Variants in NTRK3 observed in about 807,000 individuals in gnomAD.
The protein encoded by NTRK3 is neurotrophic receptor tyrosine kinase 3, also known as NT-3 growth factor receptor.
In NTRK3, 24 loss-of-function variants were observed where a neutral mutation model predicts 91.7. The ratio of observed to expected loss-of-function variants is 0.26; its 90% confidence interval spans 0.19 to 0.37. The LOEUF is 0.37. Among genes scored for constraint, NTRK3 ranks in the 10% least tolerant of loss-of-function variants. The pLI is 1.00. For missense variants in NTRK3, 880 were observed against 1,068.9 expected, an observed-to-expected ratio of 0.82 and a Z score of 2.46; for synonymous variants, 483 against 404.0, an observed-to-expected ratio of 1.20 and a Z score of -2.34.
intron 17 of NTRK3, among the ~76,000 whole-genome samples, chr15:87,918,838 T>C (rs939241036): frequency 6.6e-6 from 1 of 152,196 alleles, no homozygotes; most frequent in African/African-American, 2.4e-5. Context: ...CAAATGTGTT[T>C]GGAAACTAAG....
chr15:87,982,687 C>T (rs11854785), intron 14 of NTRK3, among the ~76,000 whole-genome samples: 147,681 of 152,350 alleles, frequency 0.97, 71,594 homozygotes, highest in East Asian at 1. Context: ...ATGAGAGGTT[C>T]TGGAGCCAAT....
intron 13 of NTRK3, among the ~76,000 whole-genome samples, chr15:88,079,160 G>A (rs566433307): frequency 6.6e-6 from 1 of 152,310 alleles, no homozygotes; most frequent in East Asian, 1.9e-4. Context: ...GAACTAGGTG[G>A]TACTTGTGGA....
rs978784123 is a variant in NTRK3 at position 88,235,983 on chromosome 15, C to CA, written c.248+19922dup. Among the ~76,000 whole-genome samples the CA allele has an allele frequency of 8.5e-5, 13 of 152,212 alleles. No homozygotes were observed. The highest frequency in any genetic ancestry group is 2.9e-4 in the African/African-American group (12 of 41,456). ...TGTGTCTCTCCTAACCCAGATTAAT[C>CA]AAAAACAGTCCTAGAGTGTAAACTG... On this transcript the variant is annotated intron_variant, in intron 3 of 18. Transcript: ENST00000394480. The surrounding 1 kb of genome is among the most constrained non-coding windows in gnomAD (Gnocchi z 5.2).
chr15:87,980,893 A>G (rs2074200528), intron 14 of NTRK3, among the ~76,000 whole-genome samples: 1 of 152,092 alleles, frequency 6.6e-6, no homozygotes, highest in Admixed American at 6.5e-5. Context: ...GACCCCAGAT[A>G]AAGGTTATCT....
chr15:87,925,468 C>CACACACACACACAG (rs1164318504), intron 17 of NTRK3: 21 of 201,886 alleles, frequency 1.0e-4, no homozygotes, highest in African/African-American at 4.8e-4. Context: ...CACACACACA[C>CACACACACACACAG]AGGCCTGGAT....
At chr15:88,159,363 C>A (rs2044220316) in intron 5 of NTRK3, among the ~76,000 whole-genome samples, 1 of 152,184 alleles carries the variant, frequency 6.6e-6, no homozygotes, top group African/African-American at 2.4e-5. Flanking sequence ...TTTGAGAAAG[C>A]ATTGAGGGGA....
At chr15:87,995,889 T>G (rs2075656571) in intron 14 of NTRK3, among the ~76,000 whole-genome samples, 1 of 152,230 alleles carries the variant, frequency 6.6e-6, no homozygotes, top group Non-Finnish European at 1.5e-5. Flanking sequence ...AATTTGAATT[T>G]CATATAATTT....
At chr15:87,987,525 ATGTGTGTG>A (rs140007526) in intron 14 of NTRK3, among the ~76,000 whole-genome samples, 2 of 148,318 alleles carry the variant, frequency 1.3e-5, no homozygotes, top group Non-Finnish European at 3.0e-5. Flanking sequence ...AGATAGATAG[ATGTGTGTG>A]TGTGTGTGTG....
chr15:88,199,908 G>C (rs2141260106), intron 3 of NTRK3, among the ~76,000 whole-genome samples: 2 of 152,330 alleles, frequency 1.3e-5, no homozygotes, highest in Middle Eastern at 6.8e-3. Flanking sequence ...TTCCAAGAAA[G>C]GAAGTGGTGC....
chr15:87,958,714 A>G (rs1171581259), intron 14 of NTRK3, among the ~76,000 whole-genome samples: 1 of 151,912 alleles, frequency 6.6e-6, no homozygotes, highest in Admixed American at 6.6e-5. Context: ...TCCTGCTGGC[A>G]CCATCCTAGC....
chr15:88,206,397 G>A (rs2048771960), intron 3 of NTRK3, among the ~76,000 whole-genome samples: 1 of 146,812 alleles, frequency 6.8e-6, no homozygotes, highest in Non-Finnish European at 1.5e-5. Flanking sequence ...GGTGGCTCAC[G>A]CCTGTAATCC....
chr15:88,157,487 G>A (rs963337612), intron 5 of NTRK3, among the ~76,000 whole-genome samples: 8 of 151,956 alleles, frequency 5.3e-5, no homozygotes, highest in African/African-American at 7.3e-5. Flanking sequence ...ATGGGAACAC[G>A]TGTGGAGCCG....
intron 3 of NTRK3, among the ~76,000 whole-genome samples, chr15:88,189,617 T>C (rs2047227162): frequency 1.3e-5 from 2 of 152,016 alleles, no homozygotes; most frequent in Non-Finnish European, 2.9e-5. Context: ...GCTAATTTTG[T>C]ATTTTTAGTA....
chr15:88,126,463 C>T (rs761640146), intron 12 of NTRK3, 90 bp from the exon 13 acceptor site: 52 of 802,252 alleles, frequency 6.5e-5, no homozygotes, highest in Middle Eastern at 4.5e-4. Flanking sequence ...AAGAACAGTC[C>T]TACTGCCATA....
chr15:87,878,906 GGTGTGTGTGTGTGTGTGTGTGTGTGT>G (rs34029623), intron 18 of NTRK3, among the ~76,000 whole-genome samples: 1 of 141,952 alleles, frequency 7.0e-6, no homozygotes, highest in South Asian at 2.4e-4. Flanking sequence ...GTGCATGCAT[GGTGTGTGTGTGTGTGTGTGTGTGTGT>G]GTGTGTGTGT....
intron 13 of NTRK3, among the ~76,000 whole-genome samples, chr15:88,124,315 G>C (rs1311447446): frequency 6.6e-6 from 1 of 152,210 alleles, no homozygotes; most frequent in African/African-American, 2.4e-5. Context: ...GCCTGGGAGA[G>C]GGGAGCAGGG....
At chr15:87,904,484 G>A (rs1361166231) in intron 17 of NTRK3, among the ~76,000 whole-genome samples, 1 of 152,064 alleles carries the variant, frequency 6.6e-6, no homozygotes, top group Non-Finnish European at 1.5e-5. Flanking sequence ...TGGGCCTTTG[G>A]GATCTCTCTG....
chr15:87,886,697 T>TATATATATATATATACAC (rs1335887821), intron 17 of NTRK3, among the ~76,000 whole-genome samples: 3 of 135,882 alleles, frequency 2.2e-5, no homozygotes, highest in Non-Finnish European at 4.7e-5. Context: ...TATATATATA[T>TATATATATATATATACAC]ATACATATAT....
intron 14 of NTRK3, among the ~76,000 whole-genome samples, chr15:88,009,543 C>T (rs1401851555): frequency 6.6e-6 from 1 of 152,152 alleles, no homozygotes; most frequent in Non-Finnish European, 1.5e-5. Context: ...TTTGTGTGAA[C>T]CTTGTCAAGT....
Sources: gnomAD v4.1 joint callset for allele counts (sites outside exome capture counted in the v4.1 genomes callset) on GRCh38, gnomAD v4.1.1 for gene constraint, Gnocchi (gnomAD v3.1) non-coding constraint, MANE v1.5 for transcripts, NCBI Gene and HGNC (gene_info 2026-07-23, HGNC 2026-07-21) for gene names.